SCRG1: variants seen among roughly 807,000 people sequenced by gnomAD.
SCRG1 encodes stimulator of chondrogenesis 1.
A neutral mutation model predicts 7.7 loss-of-function variants in SCRG1; 3 were observed. The ratio of observed to expected loss-of-function variants is 0.39; its 90% CI spans 0.18 to 1.01. The LOEUF is 1.01. Ranked by LOEUF, SCRG1 falls within the 50% of genes least tolerant of loss-of-function variation. The probability of loss-of-function intolerance (pLI) is 0.36; values close to 1 mark genes in which losing one functional copy is unlikely to be tolerated. For missense variants in SCRG1, 110 were observed against 117.2 expected (o/e 0.94, Z 0.28); for synonymous variants, 46 against 41.2 (o/e 1.12, Z -0.44).
chr4:173,455,171 G>T, the SCRG1 span, among the ~76,000 whole-genome samples: 2 of 151,926 alleles, frequency 1.3e-5, no homozygotes, highest in South Asian at 2.1e-4. Context: ...ACAATCGAAG[G>T]CTTTGGCAGA....
the SCRG1 span, among the ~76,000 whole-genome samples, chr4:173,504,323 G>T: frequency 1.3e-5 from 2 of 152,164 alleles, no homozygotes; most frequent in Non-Finnish European, 2.9e-5. This position sits in a 1 kb window ranked among gnomAD's most constrained non-coding sequence, Gnocchi z 4.7. Flanking sequence ...TCCTCCGGTA[G>T]CCGTATGGGG....
chr4:173,389,330 C>G (rs926869856), intron 2 of SCRG1, among the ~76,000 whole-genome samples: 9 of 151,992 alleles, frequency 5.9e-5, no homozygotes, highest in Admixed American at 6.6e-5. Flanking sequence ...GTCAGGATAT[C>G]GAGACCATCC....
chr4:173,516,462 G>A, the SCRG1 span, among the ~76,000 whole-genome samples: 1 of 152,184 alleles, frequency 6.6e-6, no homozygotes, highest in East Asian at 1.9e-4. Context: ...GAAAGCACTG[G>A]TATCAAGGAC....
chr4:173,386,897 G>T lies in SCRG1; in HGVS notation c.*1444C>A. The T allele has an allele frequency of 6.6e-6, 1 of 152,084 alleles. No homozygotes were observed. 9.4% of individuals were successfully genotyped at this position (152,084 alleles called of 1,614,324 possible). ...GTATGCCCAGATCTTAATAATGGCTGGCACTTAGCAGGCTTTGAATACATT... is the reference window on the plus strand; with the variant it reads ...GTATGCCCAGATCTTAATAATGGCTTGCACTTAGCAGGCTTTGAATACATT... On this transcript the variant is annotated 3_prime_UTR_variant, in exon 3 of 3. Coordinates refer to ENST00000296506, the MANE Select transcript of SCRG1 (RefSeq NM_007281.4).
the SCRG1 span, among the ~76,000 whole-genome samples, chr4:173,473,097 C>T: frequency 6.6e-6 from 1 of 152,182 alleles, no homozygotes; most frequent in East Asian, 1.9e-4. Context: ...AAAAAAGTAG[C>T]CCCCACTTAA....
the SCRG1 span, among the ~76,000 whole-genome samples, chr4:173,434,226 C>A: frequency 6.6e-6 from 1 of 152,170 alleles, no homozygotes; most frequent in African/African-American, 2.4e-5. Context: ...ATTTAAGGAA[C>A]TCAGAGGAAT....
At chr4:173,399,880 A>G (rs756186170), upstream of SCRG1, among the ~76,000 whole-genome samples, 1 of 152,294 alleles carries the variant, frequency 6.6e-6, no homozygotes, top group South Asian at 2.1e-4. Flanking sequence ...TAGACAGACA[A>G]TTGAGGCAAG....
the SCRG1 span, among the ~76,000 whole-genome samples, chr4:173,454,171 A>G: frequency 6.6e-6 from 1 of 151,790 alleles, no homozygotes; most frequent in East Asian, 1.9e-4. Flanking sequence ...GGGAAGGTGG[A>G]GATCGCTTTT....
chr4:173,499,651 T>G, the SCRG1 span, among the ~76,000 whole-genome samples: 2 of 152,208 alleles, frequency 1.3e-5, no homozygotes, highest in African/African-American at 4.8e-5. This position sits in a 1 kb window ranked among gnomAD's most constrained non-coding sequence, Gnocchi z 4.1. Context: ...TGGTCCCTAC[T>G]CCCGCCCATC....
chr4:173,436,275 G>A, the SCRG1 span, among the ~76,000 whole-genome samples: 1 of 152,190 alleles, frequency 6.6e-6, no homozygotes, highest in South Asian at 2.1e-4. Flanking sequence ...CAGCACACTG[G>A]GTGATTCAAG....
the SCRG1 span, among the ~76,000 whole-genome samples, chr4:173,436,888 TG>T: frequency 6.6e-6 from 1 of 152,190 alleles, no homozygotes; most frequent in African/African-American, 2.4e-5. Context: ...GTGTCCCAGG[TG>T]TGTTGATTTT....
upstream of SCRG1, among the ~76,000 whole-genome samples, chr4:173,399,993 A>G (rs1397602243): frequency 1.3e-5 from 2 of 152,206 alleles, no homozygotes; most frequent in Non-Finnish European, 2.9e-5. Context: ...GTGGTAGGAG[A>G]TGAAATTTGA....
chr4:173,419,381 T>G, the SCRG1 span: 1 of 1,181,528 alleles, frequency 8.5e-7, no homozygotes, highest in Non-Finnish European at 1.2e-6. Flanking sequence ...CTTCTTTTCA[T>G]AGACTGGATT....
At chr4:173,446,333 T>C in the SCRG1 span, among the ~76,000 whole-genome samples, 2 of 152,206 alleles carry the variant, frequency 1.3e-5, no homozygotes, top group Non-Finnish European at 2.9e-5. Context: ...GCTGGCACTT[T>C]AGCATGAAAC....
the SCRG1 span, among the ~76,000 whole-genome samples, chr4:173,483,983 A>T: frequency 2.1e-5 from 1 of 48,076 alleles, no homozygotes; most frequent in Admixed American, 3.3e-4. Flanking sequence ...AATATATAGT[A>T]TATTATATAT....
the SCRG1 span, among the ~76,000 whole-genome samples, chr4:173,501,854 T>C: frequency 6.6e-6 from 1 of 152,182 alleles, no homozygotes; most frequent in Non-Finnish European, 1.5e-5. This position sits in a 1 kb window ranked among gnomAD's most constrained non-coding sequence, Gnocchi z 5.1. Context: ...CGTCTTTGCA[T>C]CCAATTATTC....
rs1352543141 is a variant in SCRG1, at chr4:173,388,376, T to C, written c.262A>G (p.Lys88Glu). ...TTGCAAGGAATCACGAAAGAGATCT[T>C]TGGTCCAAAGAAAACGTCTCTGAAA... ...CCPKDVFFGPKISFVIPCNNQ is the reference protein window; with the variant it reads ...CCPKDVFFGPEISFVIPCNNQ The change falls in exon 3 of 3, where the codon AAG becomes GAG. Residue 88 changes from lysine (K) to glutamate (E), a missense_variant. Lys to Glu is a moderately conservative substitution (Grantham distance 56, BLOSUM62 1). Coordinates refer to ENST00000296506, the MANE Select transcript of SCRG1 (RefSeq NM_007281.4). 3 of 1,612,084 alleles carry C rather than the reference T, an allele frequency of 1.9e-6. No homozygotes were observed. The South Asian group carries it at 3.3e-5, about 18-fold the overall frequency.
the SCRG1 span, among the ~76,000 whole-genome samples, chr4:173,424,409 A>G: frequency 1.3e-5 from 2 of 152,242 alleles, no homozygotes; most frequent in African/African-American, 2.4e-5. Context: ...GTGTGTCAAC[A>G]TGTCACTTAG....
the SCRG1 span, chr4:173,467,851 T>A: frequency 2.6e-5 from 4 of 152,216 alleles, no homozygotes; most frequent in African/African-American, 9.7e-5. Context: ...CAAACCATGC[T>A]TTTTAATTAC....
Sources: gnomAD v4.1 joint callset for allele counts (sites outside exome capture counted in the v4.1 genomes callset) on GRCh38, gnomAD v4.1.1 for gene constraint, Gnocchi (gnomAD v3.1) non-coding constraint, MANE v1.5 for transcripts, NCBI Gene and HGNC (gene_info 2026-07-23, HGNC 2026-07-21) for gene names.